Variants in EPB41L5 observed in about 807,000 individuals in gnomAD.
The protein encoded by EPB41L5 is band 4.1-like protein 5.
Under a neutral mutation model 106.6 loss-of-function variants are expected in EPB41L5, and 55 were observed. That is an observed-to-expected ratio of 0.52 (90% CI 0.42 to 0.65). The LOEUF is 0.65. EPB41L5 is among the 30% of genes least tolerant of loss of function. The pLI is 0.00. For synonymous variants in EPB41L5, 297 were observed against 306.7 expected, an observed-to-expected ratio of 0.97 and a Z score of 0.33; for missense variants, 871 against 882.1, an observed-to-expected ratio of 0.99 and a Z score of 0.16.
intron 3 of EPB41L5, among the ~76,000 whole-genome samples, chr2:120,058,367 A>G (rs746893078): frequency 6.6e-5 from 10 of 151,930 alleles, no homozygotes; most frequent in Middle Eastern, 3.2e-3. Flanking sequence ...AAAAATAATA[A>G]TTTTGTAGAG....
intron 3 of EPB41L5, among the ~76,000 whole-genome samples, chr2:120,042,629 A>G (rs980732386): frequency 7.9e-5 from 12 of 152,184 alleles, no homozygotes; most frequent in Non-Finnish European, 4.4e-5. Flanking sequence ...AGGCTATTCA[A>G]ATAACTGATT....
At position 120,158,494 on chromosome 2, in the gene EPB41L5, A is replaced by G. The variant is rs181173833; in HGVS notation, c.1794-2387A>G. Among the ~76,000 whole-genome samples the G allele has an allele frequency of 3.9e-4, 60 of 152,356 alleles. No homozygotes were observed. In the South Asian group the frequency reaches 5.8e-3, roughly 15 times the overall value. ...CAGAAATAAAGACAAAAACCACATT[A>G]TTATCTCAATAGATGCAGAAAAGGC... On this transcript the variant is annotated intron_variant, in intron 20 of 24. Coordinates refer to ENST00000263713, the MANE Select transcript of EPB41L5 (RefSeq NM_020909.4).
At position 120,155,968 on chromosome 2, in the gene EPB41L5, C is replaced by T. The variant is rs73952054; in HGVS notation, c.1794-4913C>T. 7.7e-3 allele frequency among the ~76,000 whole-genome samples: 1,179 copies of T among 152,172 alleles called. 12 individuals carry two copies. Among genetic ancestry groups the T allele is most frequent in the African/African-American group, 0.027 (1,109 of 41,518 alleles). ...GGAATCCTGGCAGGAAGAGGCCCCA[C>T]GACCACCACGGACACTCGAGTTGCA... On this transcript the variant is annotated intron_variant, in intron 20 of 24. Transcript: ENST00000263713.
intron 16 of EPB41L5, among the ~76,000 whole-genome samples, chr2:120,107,738 T>G (rs1479832097): frequency 6.6e-6 from 1 of 152,214 alleles, no homozygotes; most frequent in Non-Finnish European, 1.5e-5. Flanking sequence ...TTCATACAAT[T>G]TTTTACTTTA....
chr2:120,082,535 G>T (rs538993148), intron 10 of EPB41L5, among the ~76,000 whole-genome samples: 2 of 152,030 alleles, frequency 1.3e-5, no homozygotes, highest in Non-Finnish European at 2.9e-5. Flanking sequence ...TTTTTGCATC[G>T]ATGTTCATCA....
intron 3 of EPB41L5, among the ~76,000 whole-genome samples, chr2:120,044,198 T>G (rs1406696190): frequency 6.6e-6 from 1 of 151,742 alleles, no homozygotes. Flanking sequence ...ATTGTGAAAC[T>G]ATTTTTCATA....
In EPB41L5 at chr2:120,177,554, T is replaced by C. The variant is rs1283618969; in HGVS notation, c.*2647T>C. The C allele has an allele frequency of 6.6e-6, 1 of 152,160 alleles. No homozygotes were observed. The highest frequency in any genetic ancestry group is 1.9e-4 in the East Asian group (1 of 5,186). The allele number at this position is 152,160 out of a possible 1,614,324, so 9.4% of individuals were successfully genotyped here. ...AGGTTTCAGTTACCTGCTCTAGACT[T>C]TGCCTGAGAACTTGTAAATTAATCA... On this transcript the variant is annotated 3_prime_UTR_variant, in exon 25 of 25. Transcript: ENST00000263713.
chr2:120,164,509 G>C (rs963702255), intron 21 of EPB41L5, among the ~76,000 whole-genome samples: 2 of 152,172 alleles, frequency 1.3e-5, no homozygotes, highest in East Asian at 3.8e-4. Context: ...ACTGCATCCA[G>C]CCAAAATAAT....
intron 3 of EPB41L5, among the ~76,000 whole-genome samples, chr2:120,047,998 C>G (rs532248007): frequency 6.6e-6 from 1 of 152,304 alleles, no homozygotes; most frequent in African/African-American, 2.4e-5. Flanking sequence ...GCCTTGCGAT[C>G]CAGGGATGAA....
At chr2:120,052,588 T>C (rs557727149) in intron 3 of EPB41L5, among the ~76,000 whole-genome samples, 1 of 152,382 alleles carries the variant, frequency 6.6e-6, no homozygotes, top group Non-Finnish European at 1.5e-5. Flanking sequence ...TACTATCATT[T>C]AATTTGTTGC....
At chr2:120,082,861 C>T (rs981425036) in intron 10 of EPB41L5, among the ~76,000 whole-genome samples, 5 of 152,074 alleles carry the variant, frequency 3.3e-5, no homozygotes, top group African/African-American at 7.2e-5. Context: ...GGAATTTATC[C>T]GTCTATTCTA....
intron 2 of EPB41L5, among the ~76,000 whole-genome samples, chr2:120,024,325 A>C (rs561565299): frequency 2.0e-5 from 3 of 152,182 alleles, no homozygotes; most frequent in African/African-American, 7.2e-5. Context: ...TGTCATAAAA[A>C]GCTCTTAAAT....
At chr2:120,166,439 T>C (rs1488198114) in intron 22 of EPB41L5, among the ~76,000 whole-genome samples, 1 of 146,986 alleles carries the variant, frequency 6.8e-6, no homozygotes, top group African/African-American at 2.5e-5. Context: ...AAAGTATTGG[T>C]AGGAAAGTCA....
intron 4 of EPB41L5, 56 bp downstream of exon 4, chr2:120,073,276 T>A: frequency 1.5e-6 from 2 of 1,364,126 alleles, no homozygotes; most frequent in Non-Finnish European, 2.0e-6. Context: ...ATATTAGAAA[T>A]TCTGATTTCT....
chr2:120,148,723 TATAG>T (rs1289566974), intron 20 of EPB41L5, among the ~76,000 whole-genome samples: 1 of 152,232 alleles, frequency 6.6e-6, no homozygotes, highest in African/African-American at 2.4e-5. Flanking sequence ...TATTTCATTA[TATAG>T]ATATACAACA....
chr2:120,029,655 A>T (rs1447695062), intron 2 of EPB41L5, among the ~76,000 whole-genome samples: 1 of 152,042 alleles, frequency 6.6e-6, no homozygotes, highest in South Asian at 2.1e-4. Flanking sequence ...TTTTTTGTGG[A>T]CTGTAAGTCC....
At chr2:120,138,171 GA>G (rs796955138) in intron 18 of EPB41L5, among the ~76,000 whole-genome samples, 24 of 150,038 alleles carry the variant, frequency 1.6e-4, no homozygotes, top group African/African-American at 3.9e-4. Context: ...TTGTGATTAA[GA>G]AAAAAAAACT....
At chr2:120,022,148 AT>A (rs1171224384) in intron 2 of EPB41L5, among the ~76,000 whole-genome samples, 1 of 152,212 alleles carries the variant, frequency 6.6e-6, no homozygotes, top group Non-Finnish European at 1.5e-5. Context: ...AAATTGGGAA[AT>A]GTTTGGTCAA....
In EPB41L5 at chr2:120,090,626, T is replaced by TATAGGTAACTAAGGTATAGA. The variant is rs1683345814; in HGVS notation, c.1043+110_1043+111insATAGGTAACTAAGGTATAGA. 4.1e-6 allele frequency: 4 copies of TATAGGTAACTAAGGTATAGA among 968,148 alleles called. No homozygotes were observed. In the South Asian group the frequency reaches 7.2e-5, roughly 18 times the overall value. 60.0% of individuals were successfully genotyped at this position (968,148 alleles called of 1,614,324 possible). On this transcript the variant is annotated intron_variant, in intron 12 of 24. Coordinates refer to ENST00000263713, the MANE Select transcript of EPB41L5 (RefSeq NM_020909.4). The stretch of plus-strand genomic sequence containing the variant: ...GTAACTAAGGTATAGAGGAATAAGG[T>TATAGGTAACTAAGGTATAGA]GGTTTGCCAGAGTCTTCCATTGGCC...
Sources: gnomAD v4.1 joint callset for allele counts (sites outside exome capture counted in the v4.1 genomes callset) on GRCh38, gnomAD v4.1.1 for gene constraint, MANE v1.5 for transcripts, NCBI Gene and HGNC (gene_info 2026-07-23, HGNC 2026-07-21) for gene names.